KCTD6: variants seen among roughly 807,000 people sequenced by gnomAD.
KCTD6 encodes the protein BTB/POZ domain-containing protein KCTD6.
A neutral mutation model predicts 18.7 loss-of-function variants in KCTD6; 6 were observed. The observed-to-expected ratio is 0.32, with a 90% CI of 0.18 to 0.63. The LOEUF is 0.63. KCTD6 is among the 30% of genes least tolerant of loss of function. The pLI is 0.79. For synonymous variants in KCTD6, 86 were observed against 108.5 expected, an observed-to-expected ratio of 0.79 and a Z score of 1.29; for missense variants, 165 against 300.2, an observed-to-expected ratio of 0.55 and a Z score of 3.33.
chr3:58,499,547 CTT>C (rs11418436), intron 2 of KCTD6, among the ~76,000 whole-genome samples: 18 of 121,826 alleles, frequency 1.5e-4, no homozygotes, highest in African/African-American at 2.5e-4. Flanking sequence ...TTCTTTCTTC[CTT>C]TTTTTTTTTT....
chr3:58,498,919 T>C lies in KCTD6; in HGVS notation c.27+137T>C. 1.4e-6 allele frequency: 1 copy of C among 697,702 alleles called. No homozygotes were observed. The highest frequency in any genetic ancestry group is 2.4e-6 in the Non-Finnish European group (1 of 414,272). 43.2% of individuals were successfully genotyped at this position (697,702 alleles called of 1,614,324 possible). A position where few individuals can be genotyped will look rare whatever the true frequency, so the allele number is the denominator to read the frequency against. On this transcript the variant is annotated intron_variant, in intron 2 of 2. Transcript: ENST00000404589. The surrounding 1 kb of genome is among the most constrained non-coding windows in gnomAD (Gnocchi z 4.6). ...TGTAACCTCTCTTCCCCCTTTTACT[T>C]AGTTTAGATGTATTTTGGAGGCGTT...
At position 58,498,655 on chromosome 3, in the gene KCTD6, T is replaced by C; in HGVS notation, c.-43-58T>C. 1.1e-6 allele frequency: 1 copy of C among 925,456 alleles called. No homozygotes were observed. The highest frequency in any genetic ancestry group is 1.8e-6 in the Non-Finnish European group (1 of 567,682). 57.3% of individuals were successfully genotyped at this position (925,456 alleles called of 1,614,324 possible). A position where few individuals can be genotyped will look rare whatever the true frequency, so the allele number is the denominator to read the frequency against. ...TCCTCTGTTGGGTGGAAAAAGACTT[T>C]CTTCTCTATTTTCCTAGTTATATAT... On this transcript the variant is annotated intron_variant, in intron 1 of 2. Transcript: ENST00000404589. This position sits in a 1 kb window ranked among gnomAD's most constrained non-coding sequence, Gnocchi z 4.6.
intron 1 of KCTD6, chr3:58,494,409 G>GT (rs2063167308): frequency 6.6e-6 from 1 of 152,178 alleles, no homozygotes. Flanking sequence ...AATTTTGAAG[G>GT]TAAGTATAGA....
In KCTD6 at chr3:58,498,830, G is replaced by C. The variant is rs749481114; in HGVS notation, c.27+48G>C. ...TTTTGAAGGCTGGGGAATTATTTTT[G>C]TGTGTCTTTTTATCCTTATGTATTT... On this transcript the variant is annotated intron_variant, in intron 2 of 2. Transcript: ENST00000404589. The surrounding 1 kb of genome is among the most constrained non-coding windows in gnomAD (Gnocchi z 4.6). 1 of 1,515,048 alleles carries C rather than the reference G, an allele frequency of 6.6e-7. No homozygotes were observed. The highest frequency in any genetic ancestry group is 9.1e-7 in the Non-Finnish European group (1 of 1,100,486). The allele number at this position is 1,515,048 out of a possible 1,614,324, so 93.9% of individuals were successfully genotyped here. A position where few individuals can be genotyped will look rare whatever the true frequency, so the allele number is the denominator to read the frequency against.
At position 58,498,948 on chromosome 3, in the gene KCTD6, G is replaced by A. The variant is rs2063192135; in HGVS notation, c.27+166G>A. Among the ~76,000 whole-genome samples the A allele has an allele frequency of 6.6e-6, 1 of 151,290 alleles. No individual in the cohort carries two copies. The highest frequency in any genetic ancestry group is 1.5e-5 in the Non-Finnish European group (1 of 67,840). On this transcript the variant is annotated intron_variant, in intron 2 of 2. Coordinates refer to ENST00000404589, the MANE Select transcript of KCTD6 (RefSeq NM_001128214.2). The surrounding 1 kb of genome is among the most constrained non-coding windows in gnomAD (Gnocchi z 4.6). ...TTAGATGTATTTTGGAGGCGTTTTT[G>A]TCTTGTGTGGTGTTTTTTAAATTTT... is the stretch of plus-strand genomic sequence containing the variant.
chr3:58,499,912 A>C (rs2063197367), intron 2 of KCTD6, among the ~76,000 whole-genome samples: 1 of 152,172 alleles, frequency 6.6e-6, no homozygotes, highest in African/African-American at 2.4e-5. Flanking sequence ...TCAGAATTAA[A>C]GGCCAGATTG....
At position 58,498,734 on chromosome 3, in the gene KCTD6, T is replaced by G. The variant is rs1479816092; in HGVS notation, c.-22T>G. On this transcript the variant is annotated 5_prime_UTR_variant, in exon 2 of 3. Transcript: ENST00000404589. This position sits in a 1 kb window ranked among gnomAD's most constrained non-coding sequence, Gnocchi z 4.6. ...GAAGTTTCCCTGAAACCTGGGCTCTTGAAGACGCATCACTGGAGCAGATGG... is the reference window on the plus strand; with the variant it reads ...GAAGTTTCCCTGAAACCTGGGCTCTGGAAGACGCATCACTGGAGCAGATGG... 2 of 1,608,178 alleles carry G rather than the reference T, an allele frequency of 1.2e-6. No individual in the cohort carries two copies.
In KCTD6 at chr3:58,501,335, C is replaced by T; in HGVS notation, c.417C>T (p.Ile139=). ...AGTACTCCAACCCAGTGGCTGTCAT[C>T]ATAACGCAACTAACCATCACCACTA... The part of the protein sequence containing the change: ...LSKYSNPVAV[I]ITQLTITTKV... Residue 139 remains isoleucine (I), a synonymous_variant, in exon 3 of 3, where the codon ATC becomes ATT. Transcript: ENST00000404589. The surrounding 1 kb of genome is among the most constrained non-coding windows in gnomAD (Gnocchi z 9.7). 6.2e-7 allele frequency: 1 copy of T among 1,607,882 alleles called. No homozygotes were observed. Among genetic ancestry groups the T allele is most frequent in the South Asian group, 1.1e-5 (1 of 89,784 alleles).
chr3:58,497,707 T>G lies in KCTD6; in HGVS notation c.-43-1006T>G, dbSNP rs2063185478. 6.6e-6 allele frequency: 1 copy of G among 152,230 alleles called. No homozygotes were observed. The highest frequency in any genetic ancestry group is 1.5e-5 in the Non-Finnish European group (1 of 68,050). The allele number at this position is 152,230 out of a possible 1,614,324, so 9.4% of individuals were successfully genotyped here. The stretch of plus-strand genomic sequence containing the variant: ...TTGACTCTCATCTATATCGGTAAGG[T>G]TCTTTTTGCCCCAAATTGTGCTCTT... On this transcript the variant is annotated intron_variant, in intron 1 of 2. Coordinates refer to ENST00000404589, the MANE Select transcript of KCTD6 (RefSeq NM_001128214.2). The surrounding 1 kb of genome is among the most constrained non-coding windows in gnomAD (Gnocchi z 4.2).
rs1411221719 is a variant in KCTD6 at position 58,493,737 on chromosome 3, C to G, written c.-44+1568C>G. Among the ~76,000 whole-genome samples, 2 of 152,176 alleles carry G rather than the reference C, an allele frequency of 1.3e-5. No homozygotes were observed. Among genetic ancestry groups the G allele is most frequent in the Non-Finnish European group, 2.9e-5 (2 of 68,024 alleles). ...TCACACTCAAGTTTCTCATGTTAAC[C>G]TAGAAATTTTGTTTATGCTGCTGCC... On this transcript the variant is annotated intron_variant, in intron 1 of 2. Transcript: ENST00000404589. This position sits in a 1 kb window ranked among gnomAD's most constrained non-coding sequence, Gnocchi z 4.5.
Position 58,500,954 on chromosome 3 carries a change from C to G in KCTD6, c.36C>G (p.Asp12Glu). ...TTCTTTACAAATTTCAGATGACTGA[C>G]CCAGTCACATTAAATGTAGGTGGAC... is the stretch of plus-strand genomic sequence containing the variant. Reference protein sequence around the residue: ...DNGDWGYMMTDPVTLNVGGHL... With the variant: ...DNGDWGYMMTEPVTLNVGGHL... Residue 12 changes from aspartate (D) to glutamate (E), a missense_variant, in exon 3 of 3, where the codon GAC becomes GAG. By Grantham distance (45) the Asp-to-Glu change is conservative (BLOSUM62 2). Around this residue, in one of 2 missense-constraint regions of KCTD6, gnomAD observed 59 missense variants for 69.9 expected, o/e 0.84. Coordinates refer to ENST00000404589, the MANE Select transcript of KCTD6 (RefSeq NM_001128214.2). 1.3e-6 allele frequency: 2 copies of G among 1,553,710 alleles called. No homozygotes were observed.
rs1187473821 is a variant in KCTD6 at position 58,502,304 on chromosome 3, G to A, written c.*672G>A. 1 of 148,656 alleles carries A rather than the reference G, an allele frequency of 6.7e-6. No individual in the cohort carries two copies. The highest frequency in any genetic ancestry group is 2.5e-5 in the African/African-American group (1 of 39,968). The allele number at this position is 148,656 out of a possible 1,614,324, so 9.2% of individuals were successfully genotyped here. On this transcript the variant is annotated 3_prime_UTR_variant, in exon 3 of 3. Transcript: ENST00000404589. The stretch of plus-strand genomic sequence containing the variant: ...GCCTGGTGCAGTATAATTCCCAAGT[G>A]TACTGTCTACCAGAAAAAAAAAACA...
Position 58,502,297 on chromosome 3 carries a change from C to T in KCTD6, c.*665C>T, listed in dbSNP as rs1278535585. 6.6e-6 allele frequency: 1 copy of T among 151,142 alleles called. No individual in the cohort carries two copies. Among genetic ancestry groups the T allele is most frequent in the Non-Finnish European group, 1.5e-5 (1 of 67,734 alleles). 9.4% of individuals were successfully genotyped at this position (151,142 alleles called of 1,614,324 possible). On this transcript the variant is annotated 3_prime_UTR_variant, in exon 3 of 3. Coordinates refer to ENST00000404589, the MANE Select transcript of KCTD6 (RefSeq NM_001128214.2). ...TCTTTATGCCTGGTGCAGTATAATT[C>T]CCAAGTGTACTGTCTACCAGAAAAA...
intron 1 of KCTD6, chr3:58,494,172 A>G (rs1357995711): frequency 6.6e-6 from 1 of 152,166 alleles, no homozygotes; most frequent in African/African-American, 2.4e-5. Context: ...TTGAGAAAGG[A>G]GAAAGAGAAA....
chr3:58,494,008 G>A (rs1314622096), intron 1 of KCTD6: 1 of 152,166 alleles, frequency 6.6e-6, no homozygotes, highest in African/African-American at 2.4e-5. Context: ...CCTAAATGGT[G>A]TAATTACCCC....
At chr3:58,494,084 A>G (rs898597663) in intron 1 of KCTD6, 2 of 152,144 alleles carry the variant, frequency 1.3e-5, no homozygotes, top group Non-Finnish European at 2.9e-5. Flanking sequence ...GAATGTTATG[A>G]TTTTGTGACT....
Position 58,498,513 on chromosome 3 carries a change from C to G in KCTD6, c.-43-200C>G. On this transcript the variant is annotated intron_variant, in intron 1 of 2. Transcript: ENST00000404589. The surrounding 1 kb of genome is among the most constrained non-coding windows in gnomAD (Gnocchi z 4.6). Reference sequence around the variant, plus strand: ...AGTCTCTTAGTTCCAGATGGGTTCTCTATGGTAAGAATACAGGACATGTAG... The same window carrying G: ...AGTCTCTTAGTTCCAGATGGGTTCTGTATGGTAAGAATACAGGACATGTAG... 4.0e-6 allele frequency: 2 copies of G among 497,616 alleles called. No homozygotes were observed. Among genetic ancestry groups the G allele is most frequent in the Non-Finnish European group, 7.0e-6 (2 of 287,514 alleles). 30.8% of individuals were successfully genotyped at this position (497,616 alleles called of 1,614,324 possible). A position where few individuals can be genotyped will look rare whatever the true frequency, so the allele number is the denominator to read the frequency against.
chr3:58,498,953 G>A lies in KCTD6; in HGVS notation c.27+171G>A, dbSNP rs932993648. On this transcript the variant is annotated intron_variant, in intron 2 of 2. Coordinates refer to ENST00000404589, the MANE Select transcript of KCTD6 (RefSeq NM_001128214.2). The surrounding 1 kb of genome is among the most constrained non-coding windows in gnomAD (Gnocchi z 4.6). The stretch of plus-strand genomic sequence containing the variant: ...TGTATTTTGGAGGCGTTTTTGTCTT[G>A]TGTGGTGTTTTTTAAATTTTTATTT... Among the ~76,000 whole-genome samples the A allele has an allele frequency of 1.3e-5, 2 of 151,756 alleles. No individual in the cohort carries two copies. The highest frequency in any genetic ancestry group is 2.9e-5 in the Non-Finnish European group (2 of 67,940).
chr3:58,496,490 AG>A lies in KCTD6; in HGVS notation c.-43-2218del. Among the ~76,000 whole-genome samples, 1 of 152,212 alleles carries A rather than the reference AG, an allele frequency of 6.6e-6. No homozygotes were observed. Among genetic ancestry groups the A allele is most frequent in the East Asian group, 1.9e-4 (1 of 5,186 alleles). On this transcript the variant is annotated intron_variant, in intron 1 of 2. Coordinates refer to ENST00000404589, the MANE Select transcript of KCTD6 (RefSeq NM_001128214.2). This position sits in a 1 kb window ranked among gnomAD's most constrained non-coding sequence, Gnocchi z 5.1. ...GGCCTACTGGTATCAGGAATGTTGT[AG>A]GGGGAAAAAAAGTCTTTCATGCCCC...
Sources: allele counts gnomAD v4.1 joint callset (sites outside exome capture counted in the v4.1 genomes callset), GRCh38; gene constraint gnomAD v4.1.1; regional missense constraint gnomAD v4.1.1; non-coding constraint Gnocchi (gnomAD v3.1); transcripts MANE v1.5; gene names NCBI Gene and HGNC (gene_info 2026-07-23, HGNC 2026-07-21).